Variants in SDK1 observed in about 807,000 individuals in gnomAD.
SDK1 encodes the protein sidekick cell adhesion molecule 1.
A neutral mutation model predicts 245.5 loss-of-function variants in SDK1; 157 were observed. The observed-to-expected ratio is 0.64, with a 90% CI of 0.56 to 0.73. SDK1 has a LOEUF of 0.73. Ranked by LOEUF, SDK1 falls within the 30% of genes least tolerant of loss-of-function variation. The probability of loss-of-function intolerance (pLI) is 0.00; values close to 1 mark genes in which losing one functional copy is unlikely to be tolerated. For missense variants in SDK1, 3,583 were observed against 3,002.3 expected, an observed-to-expected ratio of 1.19 and a Z score of -4.52; for synonymous variants, 1,647 against 1,278.5, an observed-to-expected ratio of 1.29 and a Z score of -6.15.
At chr7:4,193,390 ATATAT>A in intron 35 of SDK1, among the ~76,000 whole-genome samples, 1 of 139,022 alleles carries the variant, frequency 7.2e-6, no homozygotes. Context: ...ATATATATAT[ATATAT>A]ATAAAGGGGA....
intron 4 of SDK1, among the ~76,000 whole-genome samples, chr7:3,684,053 G>C (rs1784197855): frequency 1.3e-5 from 2 of 152,186 alleles, no homozygotes; most frequent in South Asian, 4.1e-4. Flanking sequence ...GCGTTCAGGT[G>C]CTCAAGTTCC....
At chr7:3,643,052 G>C (rs959604184) in intron 4 of SDK1, 18 of 152,258 alleles carry the variant, frequency 1.2e-4, no homozygotes, top group Admixed American at 6.5e-4. Context: ...CCCTACCTGA[G>C]CATCTGTGGA....
chr7:3,454,423 T>TGTGTGTGC (rs1554273965), intron 1 of SDK1, among the ~76,000 whole-genome samples: 2,074 of 150,078 alleles, frequency 0.014, 58 homozygotes, highest in African/African-American at 0.046. Flanking sequence ...TGTGTGTGTG[T>TGTGTGTGC]GCTGTGTACA....
rs116211245 is a variant in SDK1 at position 3,456,024 on chromosome 7, C to A, written c.298+154140C>A. On this transcript the variant is annotated intron_variant, in intron 1 of 44. Coordinates refer to ENST00000404826, the MANE Select transcript of SDK1 (RefSeq NM_152744.4). ...TGATGTAGAATTCATGGTTGACAGTCCTTTTCTTTCAGCACTTGAAAAATG... is the reference window on the plus strand; with the variant it reads ...TGATGTAGAATTCATGGTTGACAGTACTTTTCTTTCAGCACTTGAAAAATG... Among the ~76,000 whole-genome samples, 589 of 152,266 alleles carry A rather than the reference C, an allele frequency of 3.9e-3. 4 individuals are homozygous for A. Among genetic ancestry groups the A allele is most frequent in the African/African-American group, 0.013 (558 of 41,550 alleles).
At chr7:4,246,690 G>A (rs1786882835) in intron 44 of SDK1, among the ~76,000 whole-genome samples, 2 of 152,060 alleles carry the variant, frequency 1.3e-5, no homozygotes, top group African/African-American at 4.8e-5. Context: ...TCGGGCTCAG[G>A]GTGAATCCAG....
chr7:4,147,032 ACAGGACCCT>A (rs1260300026), intron 29 of SDK1, among the ~76,000 whole-genome samples: 2 of 152,178 alleles, frequency 1.3e-5, no homozygotes, highest in Non-Finnish European at 2.9e-5. Context: ...GGTTGGTGCC[ACAGGACCCT>A]CACCTCAGCA....
chr7:3,721,422 C>T (rs908080770), intron 4 of SDK1, among the ~76,000 whole-genome samples: 2 of 151,590 alleles, frequency 1.3e-5, no homozygotes, highest in Non-Finnish European at 2.9e-5. Flanking sequence ...CTTTGAACTC[C>T]TCGTAAATCT....
chr7:3,755,022 TAAAC>T (rs1045338878), intron 4 of SDK1, among the ~76,000 whole-genome samples: 34 of 152,258 alleles, frequency 2.2e-4, no homozygotes, highest in Middle Eastern at 3.4e-3. Flanking sequence ...TCTGTGGAAA[TAAAC>T]AAAGACCAAA....
chr7:4,227,255 CT>C (rs142581792), intron 40 of SDK1: 26,197 of 406,406 alleles, frequency 0.064, 1,083 homozygotes, highest in East Asian at 0.11. Flanking sequence ...CCCTCATGTG[CT>C]GCTTGTCTTT....
intron 22 of SDK1, among the ~76,000 whole-genome samples, chr7:4,080,761 G>C (rs151269687): frequency 0.014 from 2,079 of 152,166 alleles, 49 homozygotes; most frequent in South Asian, 0.043. Flanking sequence ...AATGCTAAAA[G>C]ACGAGTTAAT....
At chr7:4,022,189 G>T (rs1032115513) in intron 17 of SDK1, among the ~76,000 whole-genome samples, 4 of 152,110 alleles carry the variant, frequency 2.6e-5, no homozygotes, top group African/African-American at 9.7e-5. Flanking sequence ...ATTATTTGTC[G>T]GCATAATTTG....
At chr7:3,338,466 AAAG>A in intron 1 of SDK1, 3 of 515,924 alleles carry the variant, frequency 5.8e-6, no homozygotes, top group South Asian at 4.8e-5. Context: ...ATGATCAGAA[AAAG>A]AAGGAAGCCA....
intron 31 of SDK1, among the ~76,000 whole-genome samples, chr7:4,160,828 G>A (rs1439705458): frequency 1.3e-5 from 2 of 152,148 alleles, no homozygotes; most frequent in Non-Finnish European, 2.9e-5. Context: ...GGGGAAGGTG[G>A]AGGTGTGACT....
At chr7:4,051,531 A>G in intron 18 of SDK1, 107 bp from the exon 19 acceptor site, 1 of 954,328 alleles carries the variant, frequency 1.0e-6, no homozygotes, top group East Asian at 2.7e-5. Context: ...GGACTTTCTT[A>G]ATTATGACTT....
intron 1 of SDK1, among the ~76,000 whole-genome samples, chr7:3,340,965 C>T (rs920986124): frequency 2.0e-5 from 3 of 152,106 alleles, no homozygotes; most frequent in African/African-American, 7.2e-5. Context: ...TATTCAGTCT[C>T]TTCTAGAAAA....
At chr7:3,846,968 C>A (rs1780294350) in intron 5 of SDK1, among the ~76,000 whole-genome samples, 1 of 152,162 alleles carries the variant, frequency 6.6e-6, no homozygotes, top group African/African-American at 2.4e-5. Flanking sequence ...TCACCTTGGC[C>A]CTACTGCGCG....
intron 1 of SDK1, among the ~76,000 whole-genome samples, chr7:3,561,538 T>C (rs1490567886): frequency 6.6e-6 from 1 of 152,112 alleles, no homozygotes; most frequent in East Asian, 1.9e-4. Context: ...AAGGTGGTGG[T>C]GGTGGTGTTT....
intron 4 of SDK1, among the ~76,000 whole-genome samples, chr7:3,717,710 A>T (rs1562392739): frequency 6.6e-6 from 1 of 152,188 alleles, no homozygotes; most frequent in Non-Finnish European, 1.5e-5. Flanking sequence ...AAGTGCCAAA[A>T]ACTCAACCTA....
chr7:3,973,326 T>A (rs1782637196), intron 12 of SDK1, among the ~76,000 whole-genome samples: 1 of 152,302 alleles, frequency 6.6e-6, no homozygotes, highest in African/African-American at 2.4e-5. Flanking sequence ...TTTAAAGAAC[T>A]GGGCACATTT....
Sources: gnomAD v4.1 joint callset for allele counts (sites outside exome capture counted in the v4.1 genomes callset) on GRCh38, gnomAD v4.1.1 for gene constraint, MANE v1.5 for transcripts, NCBI Gene and HGNC (gene_info 2026-07-23, HGNC 2026-07-21) for gene names.